Variants in ERBB4 observed in about 807,000 individuals in gnomAD.
ERBB4 encodes the protein receptor tyrosine-protein kinase erbB-4.
A neutral mutation model predicts 158.0 loss-of-function variants in ERBB4; 42 were observed. That is an observed-to-expected ratio of 0.27 (90% CI 0.21 to 0.34). The LOEUF (loss-of-function observed/expected upper bound fraction) is 0.34, where lower values mean the gene tolerates loss of function less well. ERBB4 is among the 10% of genes least tolerant of loss of function. ERBB4 has a pLI of 1.00. For missense variants in ERBB4, 1,333 were observed against 1,624.1 expected (o/e 0.82, Z 3.08); for synonymous variants, 583 against 558.7 (o/e 1.04, Z -0.61).
chr2:212,270,432 T>C (rs964675527), intron 1 of ERBB4, among the ~76,000 whole-genome samples: 1 of 151,744 alleles, frequency 6.6e-6, no homozygotes, highest in African/African-American at 2.4e-5. Context: ...ATATCGTTTT[T>C]ACCTCGCATT....
intron 1 of ERBB4, among the ~76,000 whole-genome samples, chr2:212,229,412 A>G (rs773521396): frequency 6.6e-6 from 1 of 152,214 alleles, no homozygotes; most frequent in Non-Finnish European, 1.5e-5. Flanking sequence ...AAGGAAACAT[A>G]TATGCAAAAG....
chr2:211,580,813 A>ATATATATATATATAT (rs2068056371), intron 19 of ERBB4, among the ~76,000 whole-genome samples: 1 of 36,530 alleles, frequency 2.7e-5, no homozygotes, highest in African/African-American at 4.1e-4. Context: ...TATATATATA[A>ATATATATATATATAT]TATATATATA....
At chr2:211,436,033 T>G (rs905205612) in intron 20 of ERBB4, among the ~76,000 whole-genome samples, 2 of 152,110 alleles carry the variant, frequency 1.3e-5, no homozygotes, top group African/African-American at 4.8e-5. Flanking sequence ...CAGGGCTCAC[T>G]GCAGCCTCAA....
intron 4 of ERBB4, among the ~76,000 whole-genome samples, chr2:211,759,490 G>T (rs1234220580): frequency 6.6e-6 from 1 of 151,774 alleles, no homozygotes; most frequent in African/African-American, 2.4e-5. Flanking sequence ...TTTTCCTCCG[G>T]GCTTACTCCT....
intron 3 of ERBB4, among the ~76,000 whole-genome samples, chr2:211,847,981 C>T (rs565619724): frequency 2.2e-4 from 33 of 152,188 alleles, no homozygotes; most frequent in Non-Finnish European, 3.8e-4. Flanking sequence ...TTGAGCAAGG[C>T]CATACTAAAA....
In ERBB4 at chr2:211,655,898, G is replaced by A. The variant is rs114627728; in HGVS notation, c.1946+1856C>T. Among the ~76,000 whole-genome samples the A allele has an allele frequency of 5.3e-3, 804 of 152,120 alleles. 8 individuals carry two copies. Among genetic ancestry groups the A allele is most frequent in the African/African-American group, 0.018 (738 of 41,502 alleles). Reference sequence around the variant, plus strand: ...ATCAATTTACTCTAGCACATGCTTCGCTTTCTTTTTAGAATTTAATTTTTC... The same window carrying A: ...ATCAATTTACTCTAGCACATGCTTCACTTTCTTTTTAGAATTTAATTTTTC... On this transcript the variant is annotated intron_variant, in intron 16 of 27. Transcript: ENST00000342788.
At chr2:212,210,213 C>CAAAAAAAAAAAAAAAAAAAAAAATAAAA (rs58137267) in intron 1 of ERBB4, among the ~76,000 whole-genome samples, 1 of 135,646 alleles carries the variant, frequency 7.4e-6, no homozygotes, top group African/African-American at 2.7e-5. Context: ...AATGCTAGTG[C>CAAAAAAAAAAAAAAAAAAAAAAATAAAA]AAAAAAAAAA....
At chr2:212,186,285 C>T (rs558649124) in intron 1 of ERBB4, among the ~76,000 whole-genome samples, 1 of 152,282 alleles carries the variant, frequency 6.6e-6, no homozygotes, top group South Asian at 2.1e-4. Flanking sequence ...CCGTTCTTGG[C>T]TGCCCACATT....
intron 2 of ERBB4, among the ~76,000 whole-genome samples, chr2:212,051,330 T>C (rs1006427497): frequency 2.0e-5 from 3 of 152,144 alleles, no homozygotes; most frequent in Non-Finnish European, 4.4e-5. Context: ...ATTAAATGTA[T>C]AAGATAGCTT....
intron 20 of ERBB4, among the ~76,000 whole-genome samples, chr2:211,549,700 T>C (rs1432782086): frequency 6.6e-6 from 1 of 152,126 alleles, no homozygotes; most frequent in East Asian, 1.9e-4. Context: ...TTCAGATTCC[T>C]GAGCAATAAA....
At chr2:212,012,466 G>A (rs938776782) in intron 2 of ERBB4, among the ~76,000 whole-genome samples, 2 of 149,964 alleles carry the variant, frequency 1.3e-5, no homozygotes, top group Non-Finnish European at 3.0e-5. Context: ...ACCCAGGCTG[G>A]AGTGCGGTGG....
chr2:212,183,952 A>T (rs1379440135), intron 1 of ERBB4, among the ~76,000 whole-genome samples: 2 of 152,092 alleles, frequency 1.3e-5, no homozygotes, highest in Non-Finnish European at 2.9e-5. Flanking sequence ...CACTTTTGAA[A>T]AATGCCTTAT....
rs527430892 is a variant in ERBB4 at position 212,187,863 on chromosome 2, A to C, written c.83-62960T>G. The stretch of plus-strand genomic sequence containing the variant: ...GAAGTGATGTTATGAAATACAAGAA[A>C]TGTGACTGAGAGCTCCTAATCTGAT... On this transcript the variant is annotated intron_variant, in intron 1 of 27. Transcript: ENST00000342788. Among the ~76,000 whole-genome samples the C allele has an allele frequency of 3.3e-5, 5 of 152,286 alleles. No homozygotes were observed. In the East Asian group the frequency reaches 9.7e-4, roughly 29 times the overall value.
At chr2:212,030,663 G>A (rs1190013078) in intron 2 of ERBB4, among the ~76,000 whole-genome samples, 2 of 152,008 alleles carry the variant, frequency 1.3e-5, no homozygotes, top group Non-Finnish European at 2.9e-5. Context: ...GGGACCCTGG[G>A]GACCTTTAGA....
chr2:212,213,879 G>A (rs2083012795), intron 1 of ERBB4, among the ~76,000 whole-genome samples: 1 of 151,772 alleles, frequency 6.6e-6, no homozygotes, highest in Non-Finnish European at 1.5e-5. Context: ...AAAAGGCAAT[G>A]GGAGTGGCTT....
intron 1 of ERBB4, among the ~76,000 whole-genome samples, chr2:212,340,157 T>C (rs2088636504): frequency 6.6e-6 from 1 of 151,932 alleles, no homozygotes; most frequent in African/African-American, 2.4e-5. Flanking sequence ...CACCTCAGCC[T>C]CCCAAAGTGC....
At chr2:212,476,747 A>T (rs1475942930) in intron 1 of ERBB4, among the ~76,000 whole-genome samples, 1 of 152,126 alleles carries the variant, frequency 6.6e-6, no homozygotes, top group Non-Finnish European at 1.5e-5. Context: ...TTTTATAACT[A>T]TGCAACTGGG....
chr2:211,472,035 T>G (rs1559202019), intron 20 of ERBB4, among the ~76,000 whole-genome samples: 2 of 152,060 alleles, frequency 1.3e-5, no homozygotes, highest in Non-Finnish European at 2.9e-5. Flanking sequence ...TGGAGAGCCA[T>G]TGCAAACTTT....
chr2:211,626,742 G>A (rs1448572486), intron 17 of ERBB4, among the ~76,000 whole-genome samples: 1 of 151,918 alleles, frequency 6.6e-6, no homozygotes, highest in Non-Finnish European at 1.5e-5. Context: ...GGCTAACACT[G>A]TGAAACCCTG....
Sources: gnomAD v4.1 joint callset for allele counts (sites outside exome capture counted in the v4.1 genomes callset) on GRCh38, gnomAD v4.1.1 for gene constraint, MANE v1.5 for transcripts, NCBI Gene and HGNC (gene_info 2026-07-23, HGNC 2026-07-21) for gene names.